OAS1: variants seen among roughly 807,000 people sequenced by gnomAD.
OAS1 encodes 2'-5'-oligoadenylate synthetase 1.
A neutral mutation model predicts 38.5 loss-of-function variants in OAS1; 24 were observed. That is an observed-to-expected ratio of 0.62 (90% CI 0.45 to 0.88). OAS1 has a LOEUF of 0.88. Among genes scored for constraint, OAS1 ranks in the 40% least tolerant of loss-of-function variants. The pLI is 0.00. For missense variants in OAS1, 482 were observed against 493.9 expected (o/e 0.98, Z 0.23); for synonymous variants, 169 against 193.9 (o/e 0.87, Z 1.07).
At chr12:112,918,529 T>C in intron 5 of OAS1, 3 of 384,056 alleles carry the variant, frequency 7.8e-6, no homozygotes, top group South Asian at 5.7e-5. Flanking sequence ...CTGGGTTGAA[T>C]GGACATTCTA....
At position 112,916,578 on chromosome 12, in the gene OAS1, C is replaced by T. The variant is rs772478452; in HGVS notation, c.724C>T (p.Arg242Ter). ...GCTCCTGACGGTCTATGCTTGGGAG[C>T]GAGGGAGCATGAAAACACATTTCAA... ...LELLTVYAWERGSMKTHFNTA... is the reference protein window; with the variant it reads ...LELLTVYAWE Residue 242 changes from arginine (R) to a stop codon, truncating the protein, a stop_gained, in exon 4 of 6, where the codon CGA becomes TGA. Transcript: ENST00000202917. LOFTEE classifies it high-confidence loss of function. The T allele has an allele frequency of 7.4e-6, 12 of 1,613,924 alleles. No homozygotes were observed. The highest frequency in any genetic ancestry group is 2.2e-5 in the South Asian group (2 of 91,072).
At position 112,913,266 on chromosome 12, in the gene OAS1, C is replaced by T. The variant is rs998614051; in HGVS notation, c.654+2031C>T. On this transcript the variant is annotated intron_variant, in intron 3 of 5. Transcript: ENST00000202917. The stretch of plus-strand genomic sequence containing the variant: ...TAAGTAACCTGTCTTATTCTTCTGG[C>T]TGCATGTAAAAGTTTTCTCTTTGTC... Among the ~76,000 whole-genome samples the T allele has an allele frequency of 5.3e-5, 8 of 152,178 alleles. 1 individual carries two copies. Among genetic ancestry groups the T allele is most frequent in the Non-Finnish European group, 1.0e-4 (7 of 68,032 alleles).
At position 112,911,077 on chromosome 12, in the gene OAS1, A is replaced by C; in HGVS notation, c.496A>C (p.Asn166His). The C allele has an allele frequency of 6.2e-7, 1 of 1,613,954 alleles. No individual in the cohort carries two copies. The highest frequency in any genetic ancestry group is 8.5e-7 in the Non-Finnish European group (1 of 1,179,930). Reference protein sequence around the residue: ...LGQLTGGYKPNPQIYVKLIEE... With the variant: ...LGQLTGGYKPHPQIYVKLIEE... ...TCAGTTGACTGGCGGCTATAAACCT[A>C]ACCCCCAAATCTATGTCAAGCTCAT... is the stretch of plus-strand genomic sequence containing the variant. The change falls in exon 3 of 6, where the codon AAC becomes CAC. Residue 166 changes from asparagine (N) to histidine (H), a missense_variant. Transcript: ENST00000202917.
chr12:112,926,108 A>G (rs1442094237), intron 6 of OAS1, among the ~76,000 whole-genome samples: 2 of 152,298 alleles, frequency 1.3e-5, no homozygotes, highest in South Asian at 4.1e-4. Context: ...TAATTATCCA[A>G]TAAATGATAT....
intron 6 of OAS1, among the ~76,000 whole-genome samples, chr12:112,925,473 T>C (rs143228034): frequency 3.3e-5 from 5 of 152,298 alleles, no homozygotes; most frequent in African/African-American, 9.6e-5. Flanking sequence ...CTGAATCTTA[T>C]GAGACATCAA....
chr12:112,930,122 T>C (rs1255124519), intron 6 of OAS1, among the ~76,000 whole-genome samples: 2 of 152,062 alleles, frequency 1.3e-5, no homozygotes, highest in African/African-American at 4.8e-5. Context: ...TAAAACTGGG[T>C]GGCACCTCCT....
chr12:112,918,864 G>A (rs2043499660), intron 5 of OAS1: 1 of 270,058 alleles, frequency 3.7e-6, no homozygotes, highest in African/African-American at 2.2e-5. Context: ...TGATTCCAGG[G>A]GATTGATGAT....
intron 6 of OAS1, among the ~76,000 whole-genome samples, chr12:112,930,528 G>A (rs2043591054): frequency 6.6e-6 from 1 of 152,196 alleles, no homozygotes; most frequent in East Asian, 1.9e-4. Flanking sequence ...GTGCTCTGCT[G>A]GGGCCTTCCT....
chr12:112,911,296 G>A (rs766199051), intron 3 of OAS1, 61 bp downstream of exon 3: 12 of 1,367,704 alleles, frequency 8.8e-6, no homozygotes, highest in Non-Finnish European at 1.2e-5. Flanking sequence ...GGAGGGGTGG[G>A]GGGAGGAGAG....
rs76696791 is a variant in OAS1 at position 112,931,669 on chromosome 12, G to T, written c.1168-209G>T. ...CTAAAACATCTAAAACTGTTGCCCCGCATTCTCTTCATTTGACAGATAATA... is the reference window on the plus strand; with the variant it reads ...CTAAAACATCTAAAACTGTTGCCCCTCATTCTCTTCATTTGACAGATAATA... On this transcript the variant is annotated intron_variant, in intron 6 of 6. Coordinates refer to the OAS1 transcript ENST00000540589. Among the ~76,000 whole-genome samples, 8 of 152,250 alleles carry T rather than the reference G, an allele frequency of 5.3e-5. No homozygotes were observed. The East Asian group carries it at 1.5e-3, about 29-fold the overall frequency.
chr12:112,914,799 T>A (rs2043433810), intron 3 of OAS1, among the ~76,000 whole-genome samples: 1 of 150,960 alleles, frequency 6.6e-6, no homozygotes, highest in African/African-American at 2.4e-5. Flanking sequence ...TGCAGGTTAG[T>A]TACATATGTA....
At chr12:112,907,325 G>T (rs1407402040) in intron 1 of OAS1, 106 bp downstream of exon 1, 3 of 1,122,998 alleles carry the variant, frequency 2.7e-6, no homozygotes, top group South Asian at 1.4e-5. Flanking sequence ...AGAACCCAGG[G>T]TGCAAATGTG....
chr12:112,924,395 T>C (rs1464699953), downstream of OAS1, among the ~76,000 whole-genome samples: 1 of 152,074 alleles, frequency 6.6e-6, no homozygotes, highest in African/African-American at 2.4e-5. Flanking sequence ...TTTGTGAAGC[T>C]CCTCCCAAAA....
rs1280063822 is a variant in OAS1, at chr12:112,916,631, G to C, written c.777G>C (p.Leu259Phe). 1 of 1,614,106 alleles carries C rather than the reference G, an allele frequency of 6.2e-7. No individual in the cohort carries two copies. Among genetic ancestry groups the C allele is most frequent in the East Asian group, 2.2e-5 (1 of 44,874 alleles). ...FNTAQGFRTV[L>F]ELVINYQQLC... ...CAGCCCAGGGATTTCGGACGGTCTT[G>C]GAATTAGTCATAAACTACCAGCAAC... is the stretch of plus-strand genomic sequence containing the variant. The change falls in exon 4 of 6, where the codon TTG (leucine) becomes TTC (phenylalanine). Residue 259 changes from leucine (L) to phenylalanine (F), a missense_variant. Transcript: ENST00000202917.
downstream of OAS1, chr12:112,932,154 G>A: frequency 2.2e-6 from 1 of 464,512 alleles, no homozygotes; most frequent in Non-Finnish European, 3.8e-6. Flanking sequence ...CTTCCTCCCT[G>A]TCTCCTTCTC....
intron 6 of OAS1, among the ~76,000 whole-genome samples, chr12:112,925,404 C>A (rs1313969111): frequency 6.6e-6 from 1 of 152,198 alleles, no homozygotes; most frequent in Non-Finnish European, 1.5e-5. Context: ...CCAAACTTCC[C>A]TTCAGGCAGA....
downstream of OAS1, chr12:112,932,482 A>G (rs888947171): frequency 6.5e-6 from 1 of 152,676 alleles, no homozygotes; most frequent in Non-Finnish European, 1.5e-5. Flanking sequence ...AATCCCAGCT[A>G]ATCAGGAGTC....
At chr12:112,920,087 C>T (rs1268013944), downstream of OAS1, among the ~76,000 whole-genome samples, 1 of 152,172 alleles carries the variant, frequency 6.6e-6, no homozygotes, top group African/African-American at 2.4e-5. Flanking sequence ...AATCCCTGTC[C>T]TCATGACCCT....
chr12:112,917,910 A>C, intron 5 of OAS1: 1 of 1,454,360 alleles, frequency 6.9e-7, no homozygotes, highest in Non-Finnish European at 9.0e-7. Flanking sequence ...TCCAGAATTC[A>C]TTCCCCTAAG....
Sources: gnomAD v4.1 joint callset for allele counts (sites outside exome capture counted in the v4.1 genomes callset) on GRCh38, gnomAD v4.1.1 for gene constraint, MANE v1.5 for transcripts, NCBI Gene and HGNC (gene_info 2026-07-23, HGNC 2026-07-21) for gene names.